Variants in GALNT11 observed in about 807,000 individuals in gnomAD.
GALNT11 encodes UDP-GalNAc:polypeptide N-acetylgalactosaminyltransferase 11.
A neutral mutation model predicts 72.7 loss-of-function variants in GALNT11; 47 were observed. The ratio of observed to expected loss-of-function variants is 0.65; its 90% confidence interval spans 0.51 to 0.82. The LOEUF (loss-of-function observed/expected upper bound fraction) is 0.82. Among genes scored for constraint, GALNT11 ranks in the 40% least tolerant of loss-of-function variants. The probability of loss-of-function intolerance (pLI) is 0.00; values close to 1 mark genes in which losing one functional copy is unlikely to be tolerated. For synonymous variants in GALNT11, 270 were observed against 286.6 expected (o/e 0.94, Z 0.58); for missense variants, 677 against 778.4 (o/e 0.87, Z 1.55).
intron 1 of GALNT11, among the ~76,000 whole-genome samples, chr7:152,039,734 A>T (rs1364541315): frequency 1.3e-5 from 2 of 152,138 alleles, no homozygotes; most frequent in Non-Finnish European, 2.9e-5. Context: ...TTTTGATGGT[A>T]TCCAAATCGG....
chr7:152,108,675 G>A (rs2087851152), intron 6 of GALNT11, among the ~76,000 whole-genome samples: 2 of 152,158 alleles, frequency 1.3e-5, no homozygotes. Context: ...ACATTAATAC[G>A]TAAGCCTTTT....
chr7:152,104,570 GT>G (rs1298871677), intron 4 of GALNT11: 1 of 151,988 alleles, frequency 6.6e-6, no homozygotes, highest in East Asian at 1.9e-4. Context: ...AAGTCAACTT[GT>G]ATTTTGGTTT....
chr7:152,121,070 C>A, intron 11 of GALNT11, 102 bp downstream of exon 11: 1 of 1,416,122 alleles, frequency 7.1e-7, no homozygotes, highest in Non-Finnish European at 9.5e-7. Context: ...GGGTGGTCTT[C>A]TCAGTCTGCA....
At chr7:152,058,654 G>A (rs1003614082) in intron 1 of GALNT11, among the ~76,000 whole-genome samples, 4 of 152,192 alleles carry the variant, frequency 2.6e-5, no homozygotes, top group East Asian at 1.9e-4. Context: ...AAAATAAGAC[G>A]GAAGTAAAGT....
intron 1 of GALNT11, among the ~76,000 whole-genome samples, chr7:152,087,651 C>T (rs1212382276): frequency 6.6e-6 from 1 of 152,208 alleles, no homozygotes; most frequent in Non-Finnish European, 1.5e-5. Context: ...CTTTTCAGCA[C>T]TTTCTGTGGG....
intron 1 of GALNT11, among the ~76,000 whole-genome samples, chr7:152,067,129 A>T (rs2084357281): frequency 6.6e-6 from 1 of 152,176 alleles, no homozygotes; most frequent in Non-Finnish European, 1.5e-5. Context: ...CTCAGTTGGG[A>T]TTTGTTTCAT....
intron 7 of GALNT11, among the ~76,000 whole-genome samples, chr7:152,112,040 C>A (rs2088277851): frequency 6.6e-6 from 1 of 152,042 alleles, no homozygotes; most frequent in Non-Finnish European, 1.5e-5. Flanking sequence ...GTCTGTGGCT[C>A]AGAGGACCAT....
chr7:152,083,387 C>T (rs570622247), intron 1 of GALNT11, among the ~76,000 whole-genome samples: 1 of 152,230 alleles, frequency 6.6e-6, no homozygotes, highest in Non-Finnish European at 1.5e-5. Context: ...AACAGTTGTT[C>T]TGACATCATT....
rs565860575 is a variant in GALNT11 at position 152,105,878 on chromosome 7, T to C, written c.712+508T>C. On this transcript the variant is annotated intron_variant, in intron 5 of 11. Transcript: ENST00000430044. Reference sequence around the variant, plus strand: ...ATGGCATTTTCTTTAAAATTCCCTCTTAATCCTTCTGATTCCATCAAGGAG... The same window carrying C: ...ATGGCATTTTCTTTAAAATTCCCTCCTAATCCTTCTGATTCCATCAAGGAG... Among the ~76,000 whole-genome samples, 17 of 152,330 alleles carry C rather than the reference T, an allele frequency of 1.1e-4. No homozygotes were observed. The South Asian group carries it at 3.3e-3, about 30-fold the overall frequency.
At chr7:152,085,768 G>A (rs1372274158) in intron 1 of GALNT11, among the ~76,000 whole-genome samples, 7 of 152,052 alleles carry the variant, frequency 4.6e-5, no homozygotes, top group African/African-American at 1.7e-4. Context: ...AGGTTGGAGT[G>A]CATGGCATGA....
At chr7:152,044,641 T>A (rs2152016382) in intron 1 of GALNT11, among the ~76,000 whole-genome samples, 1 of 152,378 alleles carries the variant, frequency 6.6e-6, no homozygotes, top group South Asian at 2.1e-4. Context: ...ATATTGATTT[T>A]GTATCCTGTA....
At chr7:152,079,293 A>G (rs2085176509) in intron 1 of GALNT11, 5 of 152,164 alleles carry the variant, frequency 3.3e-5, no homozygotes, top group African/African-American at 7.2e-5. Context: ...ACAGGTCTAT[A>G]GTGAGCGAGA....
chr7:152,068,479 A>C (rs1245913769), intron 1 of GALNT11, among the ~76,000 whole-genome samples: 1 of 152,162 alleles, frequency 6.6e-6, no homozygotes, highest in Non-Finnish European at 1.5e-5. Flanking sequence ...GTAAGGTTTC[A>C]TATGCAGGTT....
At chr7:152,078,556 A>G (rs927174451) in intron 1 of GALNT11, among the ~76,000 whole-genome samples, 1 of 152,226 alleles carries the variant, frequency 6.6e-6, no homozygotes, top group South Asian at 2.1e-4. Context: ...ATGAAAGATG[A>G]CAATCCACAG....
intron 5 of GALNT11, chr7:152,107,261 C>T (rs2087671957): frequency 6.7e-6 from 1 of 150,030 alleles, no homozygotes; most frequent in South Asian, 2.1e-4. Context: ...AAAAAAAAAA[C>T]CTCAGTTCTG....
At chr7:152,068,322 A>C (rs188610102) in intron 1 of GALNT11, among the ~76,000 whole-genome samples, 1 of 152,254 alleles carries the variant, frequency 6.6e-6, no homozygotes, top group African/African-American at 2.4e-5. Flanking sequence ...TATGCATTTC[A>C]GTTTTTTTCA....
intron 9 of GALNT11, 90 bp downstream of exon 9, chr7:152,117,465 T>C: frequency 8.1e-7 from 1 of 1,237,458 alleles, no homozygotes; most frequent in Non-Finnish European, 1.2e-6. Context: ...GGTGACACTG[T>C]GGACTTAACA....
chr7:152,055,520 C>CGTGTGTGTGTGTGTGT (rs3031460), intron 1 of GALNT11, among the ~76,000 whole-genome samples: 1 of 136,444 alleles, frequency 7.3e-6, no homozygotes, highest in Non-Finnish European at 1.6e-5. Context: ...ATATATAAAG[C>CGTGTGTGTGTGTGTGT]GTGTGTGTGT....
chr7:152,121,273 G>A (rs1226533428), intron 11 of GALNT11, among the ~76,000 whole-genome samples: 1 of 152,232 alleles, frequency 6.6e-6, no homozygotes, highest in Non-Finnish European at 1.5e-5. Flanking sequence ...TCCCAGCACT[G>A]AGAAGGCGGA....
Sources: allele counts gnomAD v4.1 joint callset (sites outside exome capture counted in the v4.1 genomes callset), GRCh38; gene constraint gnomAD v4.1.1; transcripts MANE v1.5; gene names NCBI Gene and HGNC (gene_info 2026-07-23, HGNC 2026-07-21).